Variants in CERKL observed in about 807,000 individuals in gnomAD.
CERKL encodes the protein CERK like autophagy regulator.
A neutral mutation model predicts 63.4 loss-of-function variants in CERKL; 61 were observed. The ratio of observed to expected loss-of-function variants is 0.96; its 90% CI spans 0.78 to 1.19. The LOEUF is 1.19. CERKL is among the 50% of genes most tolerant of loss of function. The probability of loss-of-function intolerance (pLI) is 0.00; values close to 1 mark genes in which losing one functional copy is unlikely to be tolerated. For synonymous variants in CERKL, 250 were observed against 230.5 expected (o/e 1.08, Z -0.77); for missense variants, 675 against 655.5 (o/e 1.03, Z -0.33).
chr2:181,653,803 A>G (rs1262975999), intron 1 of CERKL, among the ~76,000 whole-genome samples: 1 of 152,208 alleles, frequency 6.6e-6, no homozygotes, highest in Admixed American at 6.5e-5. Context: ...ACAAAGTTAC[A>G]ACTAGGTAGG....
chr2:181,656,719 G>A (rs750727263), intron 1 of CERKL, 50 bp downstream of exon 1: 22 of 1,471,618 alleles, frequency 1.5e-5, no homozygotes, highest in Non-Finnish European at 1.8e-5. Flanking sequence ...GGGCCGGGGA[G>A]AGGGAGGAAG....
At chr2:181,586,836 T>A (rs1334070785) in intron 2 of CERKL, among the ~76,000 whole-genome samples, 2 of 152,228 alleles carry the variant, frequency 1.3e-5, no homozygotes, top group African/African-American at 4.8e-5. Flanking sequence ...ACATCTGTGC[T>A]GTTTTGAGTG....
chr2:181,548,691 C>T lies in CERKL; in HGVS notation c.1062G>A (p.Leu354=). ...QRRDFAVVKA[L]AKLKAEDCEI... ...AGAAAAAGACTTACTTAAGTTTTGC[C>T]AGTGCCTTAACAACAGCAAAATCTC... Residue 354 remains leucine, a synonymous_variant, in exon 7 of 13, where the codon CTG becomes CTA. Coordinates refer to ENST00000410087, the MANE Select transcript of CERKL (RefSeq NM_201548.5). 6.2e-7 allele frequency: 1 copy of T among 1,613,962 alleles called. No individual in the cohort carries two copies. The highest frequency in any genetic ancestry group is 8.5e-7 in the Non-Finnish European group (1 of 1,179,924).
intron 1 of CERKL, among the ~76,000 whole-genome samples, chr2:181,624,582 T>C (rs1244699632): frequency 1.3e-5 from 2 of 152,050 alleles, no homozygotes; most frequent in East Asian, 3.9e-4. Flanking sequence ...ATGGGGGACA[T>C]CGTTGGACAG....
intron 1 of CERKL, among the ~76,000 whole-genome samples, chr2:181,620,987 T>A (rs950014326): frequency 6.6e-5 from 10 of 152,236 alleles, no homozygotes; most frequent in African/African-American, 2.4e-4. Flanking sequence ...GTTTGATTTT[T>A]AAAATCCAAG....
At chr2:181,547,891 G>A (rs372111150) in intron 8 of CERKL, 44 bp from the exon 9 acceptor site, 246 of 1,120,910 alleles carry the variant, frequency 2.2e-4, no homozygotes, top group East Asian at 4.4e-4. Context: ...CAGATAACGC[G>A]CGCACAGACA....
intron 3 of CERKL, 82 bp downstream of exon 3, chr2:181,573,671 G>C (rs1238198418): frequency 4.6e-6 from 6 of 1,315,972 alleles, no homozygotes; most frequent in African/African-American, 1.5e-5. Flanking sequence ...AGTTTCCCAA[G>C]TTTGCATTAA....
intron 1 of CERKL, among the ~76,000 whole-genome samples, chr2:181,636,935 T>C (rs1687205012): frequency 6.6e-6 from 1 of 152,314 alleles, no homozygotes; most frequent in Non-Finnish European, 1.5e-5. Flanking sequence ...TTCCTGAAGA[T>C]TGTGAATATC....
At chr2:181,655,982 T>C (rs568413364) in intron 1 of CERKL, among the ~76,000 whole-genome samples, 27 of 152,314 alleles carry the variant, frequency 1.8e-4, no homozygotes, top group African/African-American at 6.3e-4. Flanking sequence ...CTTTATAAAA[T>C]ATCTGTTAAG....
chr2:181,551,950 C>T (rs1274240379), intron 5 of CERKL, among the ~76,000 whole-genome samples: 1 of 152,098 alleles, frequency 6.6e-6, no homozygotes, highest in African/African-American at 2.4e-5. Context: ...TAGGGACAAT[C>T]AGCCTGTTTA....
At chr2:181,577,058 T>A (rs1684262938) in intron 2 of CERKL, among the ~76,000 whole-genome samples, 2 of 152,178 alleles carry the variant, frequency 1.3e-5, no homozygotes, top group Admixed American at 1.3e-4. Context: ...GGCTTAGTAG[T>A]CTGGGGTGTG....
chr2:181,547,598 C>G lies in CERKL; in HGVS notation c.1268+20G>C, dbSNP rs1225872007. On this transcript the variant is annotated intron_variant, in intron 10 of 12. Coordinates refer to ENST00000410087, the MANE Select transcript of CERKL (RefSeq NM_201548.5). The stretch of plus-strand genomic sequence containing the variant: ...GTCTATAAGAAATGTATCAACAATT[C>G]AATAAAAATGCTTACTAACCTGGTA... The G allele has an allele frequency of 8.1e-6, 13 of 1,599,038 alleles. No homozygotes were observed. Among genetic ancestry groups the G allele is most frequent in the Non-Finnish European group, 1.1e-5 (13 of 1,166,526 alleles).
At chr2:181,548,644 C>A in intron 7 of CERKL, 36 bp downstream of exon 7, 1 of 1,612,842 alleles carries the variant, frequency 6.2e-7, no homozygotes, top group East Asian at 2.2e-5. Flanking sequence ...GTCATTGAAC[C>A]TGGGATACAA....
chr2:181,612,772 C>G (rs1353294084), intron 1 of CERKL, among the ~76,000 whole-genome samples: 2 of 151,764 alleles, frequency 1.3e-5, no homozygotes, highest in Non-Finnish European at 2.9e-5. Context: ...TGTTTTATTA[C>G]AGTATAATTG....
At position 181,656,651 on chromosome 2, in the gene CERKL, CGGGGAGGGGAGGCGAGAAAA is replaced by C; in HGVS notation, c.238+98_238+117del. ...ACCTGTCCGGGCAGTGAGGCGAGCACGGGGAGGGGAGGCGAGAAAAGGGGAGGGTGGAGCAAAAGCTCGTG... is the reference window on the plus strand; with the variant it reads ...ACCTGTCCGGGCAGTGAGGCGAGCACGGGGAGGGTGGAGCAAAAGCTCGTG... On this transcript the variant is annotated intron_variant, in intron 1 of 12. Transcript: ENST00000410087. 3.4e-6 allele frequency: 3 copies of C among 879,158 alleles called. No homozygotes were observed. The South Asian group carries it at 5.5e-5, about 16-fold the overall frequency. The allele number at this position is 879,158 out of a possible 1,614,324, so 54.5% of individuals were successfully genotyped here.
intron 2 of CERKL, among the ~76,000 whole-genome samples, chr2:181,590,320 A>G (rs1224010971): frequency 2.0e-5 from 3 of 151,488 alleles, no homozygotes; most frequent in Admixed American, 6.6e-5. Flanking sequence ...TTCTATTTTT[A>G]GTAGAGACAG....
chr2:181,547,926 A>G, intron 8 of CERKL, 79 bp from the exon 9 acceptor site: 1 of 1,108,510 alleles, frequency 9.0e-7, no homozygotes, highest in Non-Finnish European at 1.3e-6. Flanking sequence ...AATCTATTAA[A>G]TATGAGAAAA....
At chr2:181,617,079 A>G (rs1381254293) in intron 1 of CERKL, among the ~76,000 whole-genome samples, 7 of 152,222 alleles carry the variant, frequency 4.6e-5, no homozygotes, top group Admixed American at 4.6e-4. Flanking sequence ...ATCAAGGTGG[A>G]GCACCAAATT....
In CERKL at chr2:181,547,743, T is replaced by G. The variant is rs759754421; in HGVS notation, c.1160-17A>C. On this transcript the variant is annotated splice_polypyrimidine_tract_variant and intron_variant, in intron 9 of 12. Transcript: ENST00000410087. Reference sequence around the variant, plus strand: ...CATTACAGTCTAAAGGTAATGAAAGTGATTGGTTATTTTCCCTCACCAGAA... The same window carrying G: ...CATTACAGTCTAAAGGTAATGAAAGGGATTGGTTATTTTCCCTCACCAGAA... The G allele has an allele frequency of 6.2e-7, 1 of 1,613,316 alleles. No homozygotes were observed. Among genetic ancestry groups the G allele is most frequent in the Non-Finnish European group, 8.5e-7 (1 of 1,179,312 alleles).
Sources: allele counts gnomAD v4.1 joint callset (sites outside exome capture counted in the v4.1 genomes callset), GRCh38; gene constraint gnomAD v4.1.1; transcripts MANE v1.5; gene names NCBI Gene and HGNC (gene_info 2026-07-23, HGNC 2026-07-21).